BICC1: variants seen among roughly 807,000 people sequenced by gnomAD.
BICC1 encodes the protein protein bicaudal C homolog 1.
In BICC1, 43 loss-of-function variants were observed where a neutral mutation model predicts 111.0. That is an observed-to-expected ratio of 0.39 (90% CI 0.30 to 0.50). The LOEUF (loss-of-function observed/expected upper bound fraction) is 0.50. Among genes scored for constraint, BICC1 ranks in the 20% least tolerant of loss-of-function variants. BICC1 has a pLI of 0.88. For missense variants in BICC1, 1,091 were observed against 1,203.2 expected (o/e 0.91, Z 1.38); for synonymous variants, 467 against 434.4 (o/e 1.07, Z -0.93).
At chr10:58,516,457 A>G (rs772257869) in intron 1 of BICC1, among the ~76,000 whole-genome samples, 2 of 151,464 alleles carry the variant, frequency 1.3e-5, no homozygotes, top group African/African-American at 2.4e-5. Context: ...AAAAACCACC[A>G]GGCCAACAAT....
chr10:58,715,662 C>T, intron 3 of BICC1: 1 of 1,601,234 alleles, frequency 6.2e-7, no homozygotes, highest in Non-Finnish European at 8.5e-7. Context: ...TCTGAATTGA[C>T]CAAGGCCTAC....
At position 58,800,893 on chromosome 10, in the gene BICC1, G is replaced by C. The variant is rs772371408; in HGVS notation, c.1862G>C (p.Cys621Ser). 6.3e-7 allele frequency: 1 copy of C among 1,594,608 alleles called. No homozygotes were observed. The highest frequency in any genetic ancestry group is 8.5e-7 in the Non-Finnish European group (1 of 1,172,202). The stretch of plus-strand genomic sequence containing the variant: ...TTTTTTTCCTTTTCCTCTGCAGGTT[G>C]TAATGATGCTTTTGTTGAAGTAGGC... ...TSPKSSPTEGCNDAFVEVGMP... is the reference protein window; with the variant it reads ...TSPKSSPTEGSNDAFVEVGMP... The change falls in exon 14 of 21, where the codon TGT becomes TCT. Residue 621 changes from cysteine to serine, a missense_variant. By Grantham distance (112) the Cys-to-Ser change is moderately radical (BLOSUM62 -1). This residue lies in a region of BICC1 where 843 missense variants were observed against 900.8 expected (regional missense o/e 0.94). Transcript: ENST00000373886.
intron 3 of BICC1, among the ~76,000 whole-genome samples, chr10:58,764,375 A>T (rs1842400521): frequency 6.6e-6 from 1 of 152,234 alleles, no homozygotes; most frequent in East Asian, 1.9e-4. Context: ...AAAATCTTGT[A>T]CTTGGAATGC....
chr10:58,601,248 G>A (rs1270926969), intron 1 of BICC1, among the ~76,000 whole-genome samples: 3 of 148,286 alleles, frequency 2.0e-5, no homozygotes, highest in Non-Finnish European at 4.5e-5. Context: ...TTGATCTTGT[G>A]ATGAATGTTC....
chr10:58,527,955 G>T (rs985005665), intron 1 of BICC1, among the ~76,000 whole-genome samples: 4 of 151,920 alleles, frequency 2.6e-5, no homozygotes, highest in Non-Finnish European at 5.9e-5. Flanking sequence ...TATGTCTCAT[G>T]TAGGGTTATG....
At chr10:58,537,077 AC>A (rs869164242) in intron 1 of BICC1, among the ~76,000 whole-genome samples, 11 of 126,124 alleles carry the variant, frequency 8.7e-5, no homozygotes, top group African/African-American at 2.9e-4. Flanking sequence ...AACCAAAAAA[AC>A]AAACCTGTCA....
intron 3 of BICC1, chr10:58,716,091 G>A: frequency 6.7e-7 from 1 of 1,492,056 alleles, no homozygotes; most frequent in East Asian, 2.5e-5. Context: ...TCAGCAAAAA[G>A]AGAAAGATGT....
intron 1 of BICC1, among the ~76,000 whole-genome samples, chr10:58,533,334 A>C (rs12571046): frequency 0.07 from 10,620 of 151,828 alleles, 506 homozygotes; most frequent in South Asian, 0.12. Context: ...ATTTTTCTTC[A>C]CTTAATAATG....
intron 1 of BICC1, among the ~76,000 whole-genome samples, chr10:58,620,613 G>A (rs1310209481): frequency 6.6e-6 from 1 of 152,112 alleles, no homozygotes; most frequent in Non-Finnish European, 1.5e-5. Flanking sequence ...AGTGTGCAGG[G>A]GTTTGTGAGT....
intron 2 of BICC1, among the ~76,000 whole-genome samples, chr10:58,629,325 T>C (rs866724938): frequency 6.6e-6 from 1 of 152,190 alleles, no homozygotes; most frequent in Non-Finnish European, 1.5e-5. Context: ...TTGATTTTTT[T>C]TTTTCAAGTT....
intron 2 of BICC1, among the ~76,000 whole-genome samples, chr10:58,628,582 C>A (rs935842319): frequency 6.6e-5 from 10 of 151,856 alleles, no homozygotes; most frequent in Non-Finnish European, 1.2e-4. Context: ...GTTTTCAGAC[C>A]CTTATCATTC....
At chr10:58,586,376 A>G (rs80198752) in intron 1 of BICC1, among the ~76,000 whole-genome samples, 1,983 of 152,212 alleles carry the variant, frequency 0.013, 42 homozygotes, top group African/African-American at 0.046. Context: ...CTTACTGACT[A>G]CCAATTGACT....
At chr10:58,702,511 TG>T (rs111449413) in intron 3 of BICC1, among the ~76,000 whole-genome samples, 114 of 152,236 alleles carry the variant, frequency 7.5e-4, no homozygotes, top group African/African-American at 2.3e-3. Context: ...ATTTAATAGC[TG>T]GTTTTTTTTT....
At chr10:58,626,765 T>C (rs1387284366) in intron 2 of BICC1, among the ~76,000 whole-genome samples, 1 of 152,194 alleles carries the variant, frequency 6.6e-6, no homozygotes, top group Non-Finnish European at 1.5e-5. Flanking sequence ...TTATTCCTTT[T>C]TCTAAAACCA....
chr10:58,535,965 TA>T lies in BICC1; in HGVS notation c.190+22644del, dbSNP rs200404524. The stretch of plus-strand genomic sequence containing the variant: ...AAAACAGACATTAAGGCAACAATAG[TA>T]AAAAAAAAAAAGACAAGGTCATTAT... On this transcript the variant is annotated intron_variant, in intron 1 of 20. Transcript: ENST00000373886. Among the ~76,000 whole-genome samples, 1,093 of 134,022 alleles carry T rather than the reference TA, an allele frequency of 8.2e-3. 7 individuals carry two copies. The highest frequency in any genetic ancestry group is 0.023 in the African/African-American group (857 of 37,072). The allele number at this position is 134,022 out of a possible 152,430, so 87.9% of individuals were successfully genotyped here.
intron 15 of BICC1, 78 bp downstream of exon 15, chr10:58,803,320 GC>G: frequency 8.1e-7 from 1 of 1,241,060 alleles, no homozygotes; most frequent in Non-Finnish European, 1.1e-6. Context: ...TGAGTGTTCA[GC>G]AGTAGTGCAG....
In BICC1 at chr10:58,521,614, T is replaced by G. The variant is rs527455416; in HGVS notation, c.190+8281T>G. 2.0e-5 allele frequency among the ~76,000 whole-genome samples: 3 copies of G among 151,910 alleles called. No homozygotes were observed. In the South Asian group the frequency reaches 6.2e-4, roughly 32 times the overall value. Reference sequence around the variant, plus strand: ...ACCTGCGGTTCCCACAGTCCATTATTAGAAAGCAATTGAATTACCAATATA... The same window carrying G: ...ACCTGCGGTTCCCACAGTCCATTATGAGAAAGCAATTGAATTACCAATATA... On this transcript the variant is annotated intron_variant, in intron 1 of 20. Transcript: ENST00000373886.
chr10:58,618,113 G>C (rs1845678036), intron 1 of BICC1, among the ~76,000 whole-genome samples: 1 of 152,090 alleles, frequency 6.6e-6, no homozygotes, highest in Admixed American at 6.5e-5. Flanking sequence ...TGTGTACCTA[G>C]AGCCTATGTG....
chr10:58,680,020 G>A (rs1839467738), intron 2 of BICC1, among the ~76,000 whole-genome samples: 1 of 152,100 alleles, frequency 6.6e-6, no homozygotes, highest in South Asian at 2.1e-4. Context: ...AATAAACTAG[G>A]TATAGATGGA....
Sources: gnomAD v4.1 joint callset for allele counts (sites outside exome capture counted in the v4.1 genomes callset) on GRCh38, gnomAD v4.1.1 for gene constraint, gnomAD v4.1.1 regional missense constraint, MANE v1.5 for transcripts, NCBI Gene and HGNC (gene_info 2026-07-23, HGNC 2026-07-21) for gene names.